IL1RAPL1: variants seen among roughly 807,000 people sequenced by gnomAD.
IL1RAPL1 encodes the protein interleukin 1 receptor accessory protein like 1, also known as interleukin-1 receptor accessory protein-like 1.
In IL1RAPL1, 3 loss-of-function variants were observed where a neutral mutation model predicts 48.4. That is an observed-to-expected ratio of 0.06 (90% CI 0.03 to 0.16). IL1RAPL1 has a LOEUF of 0.16. Ranked by LOEUF, IL1RAPL1 falls within the 10% of genes least tolerant of loss-of-function variation. The probability of loss-of-function intolerance (pLI) is 1.00; values close to 1 mark genes in which losing one functional copy is unlikely to be tolerated. For missense variants in IL1RAPL1, 349 were observed against 530.6 expected, an observed-to-expected ratio of 0.66 and a Z score of 3.36; for synonymous variants, 185 against 187.7, an observed-to-expected ratio of 0.99 and a Z score of 0.12.
intron 5 of IL1RAPL1, among the ~76,000 whole-genome samples, chrX:29,453,832 A>G (rs1265438685): frequency 8.9e-6 from 1 of 112,327 alleles, no homozygotes; most frequent in African/African-American, 3.2e-5. Flanking sequence ...TATCTCCCAT[A>G]TTTCAACTAT....
At chrX:28,797,536 G>A (rs1346288177) in intron 2 of IL1RAPL1, among the ~76,000 whole-genome samples, 1 of 111,527 alleles carries the variant, frequency 9.0e-6, no homozygotes, top group African/African-American at 3.3e-5. Flanking sequence ...GCAAAATGCT[G>A]CCAGTCTCTT....
chrX:28,601,312 TCTAA>T (rs1934023362), intron 1 of IL1RAPL1, among the ~76,000 whole-genome samples: 1 of 110,824 alleles, frequency 9.0e-6, no homozygotes, highest in South Asian at 3.8e-4. Context: ...TACCAGCTAC[TCTAA>T]CTAGAGGCTG....
chrX:29,633,526 A>C (rs1473823860), intron 5 of IL1RAPL1, among the ~76,000 whole-genome samples: 1 of 110,086 alleles, frequency 9.1e-6, no homozygotes, highest in Non-Finnish European at 1.9e-5. Context: ...ATTGAACTCA[A>C]ATATTTAATT....
At chrX:29,786,034 G>A (rs1293929191) in intron 6 of IL1RAPL1, among the ~76,000 whole-genome samples, 4 of 90,388 alleles carry the variant, frequency 4.4e-5, no homozygotes, top group Admixed American at 1.3e-4. Flanking sequence ...GCGGGGGGGT[G>A]GGGGGAGGCC....
chrX:29,350,900 A>G (rs1933222520), intron 3 of IL1RAPL1, among the ~76,000 whole-genome samples: 1 of 111,809 alleles, frequency 8.9e-6, no homozygotes, highest in Admixed American at 9.5e-5. Flanking sequence ...CAATTAGCCT[A>G]TGAGAAAATT....
At chrX:28,827,588 G>A (rs2147284337) in intron 2 of IL1RAPL1, among the ~76,000 whole-genome samples, 1 of 111,445 alleles carries the variant, frequency 9.0e-6, no homozygotes, top group African/African-American at 3.2e-5. Flanking sequence ...TACCTACAGT[G>A]GCTGTGAAGA....
intron 2 of IL1RAPL1, among the ~76,000 whole-genome samples, chrX:28,969,529 C>T (rs1284992192): frequency 1.9e-5 from 2 of 107,086 alleles, no homozygotes; most frequent in African/African-American, 3.4e-5. Context: ...GAATGTAATA[C>T]TTGAATAGCC....
chrX:29,549,824 T>C (rs1921745691), intron 5 of IL1RAPL1, among the ~76,000 whole-genome samples: 1 of 112,023 alleles, frequency 8.9e-6, no homozygotes, highest in Admixed American at 9.4e-5. Flanking sequence ...TTTTAGTTTT[T>C]AGTTTTTGTA....
At chrX:28,873,522 T>C (rs1922266803) in intron 2 of IL1RAPL1, among the ~76,000 whole-genome samples, 1 of 84,300 alleles carries the variant, frequency 1.2e-5, no homozygotes, top group Non-Finnish European at 2.1e-5. Context: ...TTTCTTTCTT[T>C]CTTTTTTTTT....
chrX:29,724,555 T>TAAA (rs1372069573), intron 6 of IL1RAPL1, among the ~76,000 whole-genome samples: 1 of 112,060 alleles, frequency 8.9e-6, no homozygotes, highest in Non-Finnish European at 1.9e-5. Context: ...CTCATCAACT[T>TAAA]GTTTCACATG....
chrX:29,068,004 G>A (rs1011651338), intron 2 of IL1RAPL1, among the ~76,000 whole-genome samples: 27 of 111,453 alleles, frequency 2.4e-4, no homozygotes, highest in Admixed American at 9.6e-5. Flanking sequence ...TATATTCATT[G>A]GTTTTAATTT....
chrX:28,843,179 A>G (rs1334757095), intron 2 of IL1RAPL1, among the ~76,000 whole-genome samples: 1 of 111,365 alleles, frequency 9.0e-6, no homozygotes, highest in Non-Finnish European at 1.9e-5. Context: ...CTTAATTTCT[A>G]TACCATAAAG....
chrX:28,889,991 C>T (rs372166476), intron 2 of IL1RAPL1, among the ~76,000 whole-genome samples: 5 of 111,621 alleles, frequency 4.5e-5, no homozygotes, highest in Non-Finnish European at 7.5e-5. Context: ...TTTTATTCTC[C>T]TAATCTCTGT....
chrX:29,024,233 A>G (rs187896642), intron 2 of IL1RAPL1, among the ~76,000 whole-genome samples: 69 of 111,728 alleles, frequency 6.2e-4, no homozygotes, highest in African/African-American at 2.1e-3. Context: ...ACCTAGGAAA[A>G]TCTTCTTATA....
At chrX:29,372,131 G>C (rs1242279791) in intron 3 of IL1RAPL1, among the ~76,000 whole-genome samples, 1 of 111,963 alleles carries the variant, frequency 8.9e-6, no homozygotes, top group Non-Finnish European at 1.9e-5. Context: ...ACTGGTATGA[G>C]GTGGTATTTC....
chrX:29,324,390 G>A (rs1025904050), intron 3 of IL1RAPL1, among the ~76,000 whole-genome samples: 3 of 111,641 alleles, frequency 2.7e-5, no homozygotes, highest in Non-Finnish European at 5.6e-5. Flanking sequence ...ATGGACAGCT[G>A]TGTAGAACTG....
chrX:29,457,611 T>A (rs1306033033), intron 5 of IL1RAPL1, among the ~76,000 whole-genome samples: 1 of 112,434 alleles, frequency 8.9e-6, no homozygotes, highest in Non-Finnish European at 1.9e-5. Context: ...TGATTCCATG[T>A]CTTTGCTATT....
chrX:29,724,235 C>T lies in IL1RAPL1; in HGVS notation c.778+55731C>T, dbSNP rs377764396. 1.4e-4 allele frequency among the ~76,000 whole-genome samples: 16 copies of T among 111,741 alleles called. No homozygotes were observed. The East Asian group carries it at 3.9e-3, about 27-fold the overall frequency. On this transcript the variant is annotated intron_variant, in intron 6 of 10. Coordinates refer to ENST00000378993, the MANE Select transcript of IL1RAPL1 (RefSeq NM_014271.4). ...CTTCGGTCTGCTCCCAGATCCTCCT[C>T]ACTGTACTCTTGCTCACATTTTGTC...
intron 2 of IL1RAPL1, among the ~76,000 whole-genome samples, chrX:28,889,557 TATC>T (rs1464007763): frequency 9.0e-6 from 1 of 111,640 alleles, no homozygotes; most frequent in Non-Finnish European, 1.9e-5. Context: ...ATGAAGCACT[TATC>T]ATTTTTCTTT....
Sources: allele counts gnomAD v4.1 joint callset (sites outside exome capture counted in the v4.1 genomes callset), GRCh38; gene constraint gnomAD v4.1.1; transcripts MANE v1.5; gene names NCBI Gene and HGNC (gene_info 2026-07-23, HGNC 2026-07-21).